Variants in PPFIA3 observed in about 807,000 individuals in gnomAD.
PPFIA3 encodes the protein liprin-alpha-3.
PPFIA3 carries 26 observed loss-of-function variants against 145.8 expected under a neutral mutation model. The ratio of observed to expected loss-of-function variants is 0.18; its 90% CI spans 0.13 to 0.25. PPFIA3 has a LOEUF of 0.25. PPFIA3 is among the 10% of genes least tolerant of loss of function. The probability of loss-of-function intolerance (pLI) is 1.00; values close to 1 mark genes in which losing one functional copy is unlikely to be tolerated. For missense variants in PPFIA3, 1,008 were observed against 1,587.8 expected, an observed-to-expected ratio of 0.63 and a Z score of 6.21; for synonymous variants, 645 against 661.4, an observed-to-expected ratio of 0.98 and a Z score of 0.38.
chr19:49,146,802 C>T (rs977229282), intron 23 of PPFIA3, among the ~76,000 whole-genome samples: 9 of 152,082 alleles, frequency 5.9e-5, no homozygotes, highest in African/African-American at 2.2e-4. Context: ...CAGTGGCTAG[C>T]GTATGTAATC....
chr19:49,122,879 G>T (rs1296509777), intron 1 of PPFIA3, among the ~76,000 whole-genome samples: 1 of 151,292 alleles, frequency 6.6e-6, no homozygotes, highest in Non-Finnish European at 1.5e-5. Context: ...CCACCACCAC[G>T]CCCGGCTAAT....
At chr19:49,139,323 CA>C (rs1223957489) in intron 16 of PPFIA3, among the ~76,000 whole-genome samples, 2,735 of 111,828 alleles carry the variant, frequency 0.024, 48 homozygotes, top group African/African-American at 0.061. Flanking sequence ...GACTCTGTCT[CA>C]AAAAAAAAAA....
At chr19:49,132,204 A>G (rs1293167118) in intron 7 of PPFIA3, among the ~76,000 whole-genome samples, 1 of 151,424 alleles carries the variant, frequency 6.6e-6, no homozygotes, top group East Asian at 1.9e-4. Flanking sequence ...CCTGGCCAAC[A>G]TCGTGAAACC....
intron 23 of PPFIA3, among the ~76,000 whole-genome samples, chr19:49,147,458 G>A (rs2041293135): frequency 6.6e-6 from 1 of 152,094 alleles, no homozygotes; most frequent in Admixed American, 6.6e-5. Flanking sequence ...GGCTGAGGTG[G>A]GCGGATCCCT....
chr19:49,140,605 C>T (rs552123715), intron 18 of PPFIA3, among the ~76,000 whole-genome samples: 1 of 146,166 alleles, frequency 6.8e-6, no homozygotes, highest in African/African-American at 2.5e-5. Flanking sequence ...CCCACCTCGG[C>T]CTCCCAAAGT....
rs1314895285 is a variant in PPFIA3 at position 49,149,549 on chromosome 19, C to T, written c.3357C>T (p.Asp1119=). Residue 1119 remains aspartate, a splice_region_variant and synonymous_variant, in exon 28 of 30, where the codon GAC becomes GAT. Coordinates refer to ENST00000334186, the MANE Select transcript of PPFIA3 (RefSeq NM_003660.4). The surrounding 1 kb of genome is among the most constrained non-coding windows in gnomAD (Gnocchi z 5.7). ...SLGTDRRLDE[D]SAKSFSRSPS... is the part of the protein sequence containing the mutation. ...GGCTGTCCGGCTCCTATACCTAGGA[C>T]AGCGCCAAGTCTTTCAGCCGCTCCC... 6.2e-7 allele frequency: 1 copy of T among 1,614,074 alleles called. No individual in the cohort carries two copies. The highest frequency in any genetic ancestry group is 8.5e-7 in the Non-Finnish European group (1 of 1,180,050).
chr19:49,123,990 C>A (rs1490639355), intron 1 of PPFIA3, among the ~76,000 whole-genome samples: 1 of 151,910 alleles, frequency 6.6e-6, no homozygotes, highest in Non-Finnish European at 1.5e-5. Context: ...CAGAACAGCC[C>A]CCCTCCTTTG....
intron 1 of PPFIA3, among the ~76,000 whole-genome samples, chr19:49,123,502 G>A (rs762885326): frequency 1.3e-5 from 2 of 150,380 alleles, no homozygotes; most frequent in Non-Finnish European, 3.0e-5. Context: ...GTGCAGTGAC[G>A]CAATCCCGGC....
chr19:49,141,305 A>G, intron 18 of PPFIA3, 115 bp from the exon 19 acceptor site: 1 of 708,382 alleles, frequency 1.4e-6, no homozygotes, highest in South Asian at 1.8e-5. Context: ...ATGTGCCCTC[A>G]CTCACTACTC....
At chr19:49,129,920 G>A (rs1181387608) in intron 5 of PPFIA3, 73 bp from the exon 6 acceptor site, 3 of 1,519,974 alleles carry the variant, frequency 2.0e-6, no homozygotes, top group African/African-American at 1.4e-5. Flanking sequence ...CCCTTAGAGG[G>A]CCAATGCCAG....
At chr19:49,147,736 A>C (rs2041297619) in intron 23 of PPFIA3, among the ~76,000 whole-genome samples, 1 of 84,608 alleles carries the variant, frequency 1.2e-5, no homozygotes, top group South Asian at 3.2e-4. Context: ...GAAATTTAAA[A>C]ATAAATATAA....
chr19:49,128,075 G>A lies in PPFIA3; in HGVS notation c.202G>A (p.Asp68Asn). The A allele has an allele frequency of 5.0e-6, 8 of 1,589,716 alleles. No individual in the cohort carries two copies. Among genetic ancestry groups the A allele is most frequent in the Non-Finnish European group, 5.1e-6 (6 of 1,176,102 alleles). The change falls in exon 2 of 30, where the codon GAC (aspartate) becomes AAC (asparagine). Residue 68 changes from aspartate (D) to asparagine (N), a missense_variant. By Grantham distance (23) the Asp-to-Asn change is conservative. Coordinates refer to ENST00000334186, the MANE Select transcript of PPFIA3 (RefSeq NM_003660.4). The surrounding 1 kb of genome is among the most constrained non-coding windows in gnomAD (Gnocchi z 4.1). Reference sequence around the variant, plus strand: ...GCTGCGCGAGCTCGGCCACGAGAAGGACTCGCTGCAGCGCCAGCTCAGCAT... The same window carrying A: ...GCTGCGCGAGCTCGGCCACGAGAAGAACTCGCTGCAGCGCCAGCTCAGCAT... ...LRLRELGHEK[D>N]SLQRQLSIAL...
Position 49,150,322 on chromosome 19 carries a change from G to C in PPFIA3, c.*100G>C. The C allele has an allele frequency of 6.0e-6, 4 of 670,364 alleles. No homozygotes were observed. Among genetic ancestry groups the C allele is most frequent in the Non-Finnish European group, 2.5e-6 (1 of 405,002 alleles). The allele number at this position is 670,364 out of a possible 1,614,324, so 41.5% of individuals were successfully genotyped here. A position where few individuals can be genotyped will look rare whatever the true frequency, so the allele number is the denominator to read the frequency against. On this transcript the variant is annotated 3_prime_UTR_variant, in exon 30 of 30. Coordinates refer to ENST00000334186, the MANE Select transcript of PPFIA3 (RefSeq NM_003660.4). ...TGTGGCCTCGCCGGGGAGAGCGGGC[G>C]GGGGAGCTCGCGCCGAGGACTGGAC...
rs1253084594 is a variant in PPFIA3 at position 49,149,490 on chromosome 19, G to C, written c.3355-57G>C. On this transcript the variant is annotated intron_variant, in intron 27 of 29. Coordinates refer to ENST00000334186, the MANE Select transcript of PPFIA3 (RefSeq NM_003660.4). The surrounding 1 kb of genome is among the most constrained non-coding windows in gnomAD (Gnocchi z 5.7). ...CCGGAGAGGGGTGGAGTCAAAGGAAGGGGCGGAGTCAGACAAGGCAGGAGT... is the reference window on the plus strand; with the variant it reads ...CCGGAGAGGGGTGGAGTCAAAGGAACGGGCGGAGTCAGACAAGGCAGGAGT... The C allele has an allele frequency of 7.5e-6, 12 of 1,607,386 alleles. No homozygotes were observed. In the Admixed American group the frequency reaches 2.0e-4, roughly 27 times the overall value.
At position 49,140,080 on chromosome 19, in the gene PPFIA3, C is replaced by G; in HGVS notation, c.2360C>G (p.Ser787Cys). 3 of 1,614,002 alleles carry G rather than the reference C, an allele frequency of 1.9e-6. No individual in the cohort carries two copies. Among genetic ancestry groups the G allele is most frequent in the Non-Finnish European group, 2.5e-6 (3 of 1,180,046 alleles). ...ATGGGACCCCCAGGCCGGGACAGCT[C>G]TTCTCTGGGTGAGTACCTCACTCTA... ...GRMGPPGRDS[S>C]SLAGTPSDET... The change falls in exon 18 of 30, where the codon TCT becomes TGT. Residue 787 changes from serine (S) to cysteine (C), a missense_variant. By Grantham distance (112) the Ser-to-Cys change is moderately radical (BLOSUM62 -1). Coordinates refer to ENST00000334186, the MANE Select transcript of PPFIA3 (RefSeq NM_003660.4).
chr19:49,149,480 G>C lies in PPFIA3; in HGVS notation c.3355-67G>C. 6.2e-7 allele frequency: 1 copy of C among 1,602,462 alleles called. No homozygotes were observed. The highest frequency in any genetic ancestry group is 2.2e-5 in the East Asian group (1 of 44,746). On this transcript the variant is annotated intron_variant, in intron 27 of 29. Transcript: ENST00000334186. This position sits in a 1 kb window ranked among gnomAD's most constrained non-coding sequence, Gnocchi z 5.7. ...GAGGTGAGACCCGGAGAGGGGTGGA[G>C]TCAAAGGAAGGGGCGGAGTCAGACA...
At position 49,140,071 on chromosome 19, in the gene PPFIA3, G is replaced by A. The variant is rs753317040; in HGVS notation, c.2351G>A (p.Arg784Gln). 8.1e-6 allele frequency: 13 copies of A among 1,613,868 alleles called. No homozygotes were observed. The highest frequency in any genetic ancestry group is 4.0e-5 in the African/African-American group (3 of 74,904). ...KEKGRMGPPG[R>Q]DSSSLAGTPS... ...AAGGGACGAATGGGACCCCCAGGCC[G>A]GGACAGCTCTTCTCTGGGTGAGTAC... is the stretch of plus-strand genomic sequence containing the variant. Residue 784 changes from arginine to glutamine, a missense_variant, in exon 18 of 30, where the codon CGG becomes CAG. By Grantham distance (43) the Arg-to-Gln change is conservative (BLOSUM62 1). This residue lies in a region of PPFIA3 where 202 missense variants were observed against 241.8 expected (regional missense o/e 0.84). Coordinates refer to ENST00000334186, the MANE Select transcript of PPFIA3 (RefSeq NM_003660.4).
chr19:49,137,092 A>G, intron 15 of PPFIA3, 181 bp downstream of exon 15: 2 of 523,226 alleles, frequency 3.8e-6, no homozygotes, highest in Admixed American at 3.6e-5. Context: ...GAAGTCTTCT[A>G]TGTGCTACCT....
intron 5 of PPFIA3, 29 bp from the exon 6 acceptor site, chr19:49,129,963 TG>T (rs2041048675): frequency 6.2e-7 from 1 of 1,610,316 alleles, no homozygotes; most frequent in Admixed American, 1.7e-5. Flanking sequence ...AGGGAGCCCC[TG>T]TGCTCTGATT....
Sources: gnomAD v4.1 joint callset for allele counts (sites outside exome capture counted in the v4.1 genomes callset) on GRCh38, gnomAD v4.1.1 for gene constraint, gnomAD v4.1.1 regional missense constraint, Gnocchi (gnomAD v3.1) non-coding constraint, MANE v1.5 for transcripts, NCBI Gene and HGNC (gene_info 2026-07-23, HGNC 2026-07-21) for gene names.